Variants in GRIP1 observed in about 807,000 individuals in gnomAD.
GRIP1 encodes the protein glutamate receptor interacting protein 1.
In GRIP1, 45 loss-of-function variants were observed where a neutral mutation model predicts 129.9. The observed-to-expected ratio is 0.35, with a 90% CI of 0.27 to 0.44. The LOEUF (loss-of-function observed/expected upper bound fraction) is 0.44. GRIP1 is among the 20% of genes least tolerant of loss of function. GRIP1 has a pLI of 1.00. For missense variants in GRIP1, 1,196 were observed against 1,396.8 expected (o/e 0.86, Z 2.29); for synonymous variants, 530 against 520.8 (o/e 1.02, Z -0.24).
intron 1 of GRIP1, among the ~76,000 whole-genome samples, chr12:67,058,545 T>C (rs2043476127): frequency 6.6e-6 from 1 of 152,232 alleles, no homozygotes; most frequent in Non-Finnish European, 1.5e-5. Context: ...CACTACTGAC[T>C]ATGAGAAGAA....
At chr12:66,723,885 G>A (rs996813595) in intron 1 of GRIP1, among the ~76,000 whole-genome samples, 4 of 152,152 alleles carry the variant, frequency 2.6e-5, no homozygotes, top group Admixed American at 1.3e-4. Context: ...GTGTTTCAAT[G>A]AAACAGGTAT....
intron 13 of GRIP1, among the ~76,000 whole-genome samples, chr12:66,437,193 C>T (rs550752508): frequency 8.3e-4 from 126 of 152,254 alleles, no homozygotes; most frequent in African/African-American, 2.9e-3. Context: ...GGAGTGAATT[C>T]AGAAGTACTG....
At chr12:66,786,690 T>C (rs545503517) in intron 1 of GRIP1, among the ~76,000 whole-genome samples, 23 of 152,214 alleles carry the variant, frequency 1.5e-4, no homozygotes, top group Admixed American at 1.4e-3. Context: ...CCTTGGTCTA[T>C]TGGCTCTCCA....
intron 1 of GRIP1, among the ~76,000 whole-genome samples, chr12:66,902,422 G>T (rs2040858527): frequency 6.6e-6 from 1 of 152,080 alleles, no homozygotes; most frequent in Admixed American, 6.6e-5. Flanking sequence ...ATGGTTTCAG[G>T]CAAAGATTCT....
chr12:66,742,738 A>G (rs1219120587), intron 1 of GRIP1, among the ~76,000 whole-genome samples: 1 of 152,172 alleles, frequency 6.6e-6, no homozygotes, highest in African/African-American at 2.4e-5. Context: ...AGATGATCAT[A>G]TAAAATGGCA....
Position 66,954,365 on chromosome 12 carries a change from A to G in GRIP1, c.58+114685T>C, listed in dbSNP as rs368941166. Among the ~76,000 whole-genome samples, 19 of 152,346 alleles carry G rather than the reference A, an allele frequency of 1.2e-4. No homozygotes were observed. In the East Asian group the frequency reaches 3.5e-3, roughly 28 times the overall value. The stretch of plus-strand genomic sequence containing the variant: ...AGAAAAATGAGTATCAAACTCTTTT[A>G]GCTACACAGTCCTTTTGTGTGTGCA... On this transcript the variant is annotated intron_variant, in intron 1 of 1. Transcript: ENST00000643019.
chr12:66,513,408 C>A (rs78426421), intron 7 of GRIP1, among the ~76,000 whole-genome samples: 2 of 152,018 alleles, frequency 1.3e-5, no homozygotes, highest in Non-Finnish European at 2.9e-5. Context: ...TTTGTTGATA[C>A]ATTTGGGAGA....
intron 1 of GRIP1, among the ~76,000 whole-genome samples, chr12:66,769,967 G>A (rs1039397066): frequency 5.9e-5 from 9 of 152,134 alleles, no homozygotes; most frequent in Non-Finnish European, 7.4e-5. Flanking sequence ...GACAACTGTT[G>A]GAGCTATTCA....
intron 1 of GRIP1, among the ~76,000 whole-genome samples, chr12:66,738,621 T>C (rs1224380301): frequency 1.3e-5 from 2 of 152,122 alleles, no homozygotes; most frequent in Non-Finnish European, 2.9e-5. Flanking sequence ...GAGAGATTGT[T>C]CCTGTGATGT....
chr12:66,516,383 C>T (rs2060844421), intron 6 of GRIP1, among the ~76,000 whole-genome samples: 2 of 152,238 alleles, frequency 1.3e-5, no homozygotes, highest in African/African-American at 4.8e-5. Flanking sequence ...CACAAAAGTA[C>T]AGCCAGGGTG....
rs547706592 is a variant in GRIP1, at chr12:66,736,346, A to ATTTTTTTTTTTT, written c.-420+67695_-420+67706dup. Among the ~76,000 whole-genome samples, 87 of 67,000 alleles carry ATTTTTTTTTTTT rather than the reference A, an allele frequency of 1.3e-3. 11 individuals are homozygous for ATTTTTTTTTTTT. The highest frequency in any genetic ancestry group is 8.5e-3 in the Middle Eastern group (1 of 118). 44.0% of individuals were successfully genotyped at this position (67,000 alleles called of 152,430 possible). ...AGGTGTGCACCACCGTGCCTGGCTA[A>ATTTTTTTTTTTT]TTTTTTTTTTTTTTTTTTTTTTTTT... On this transcript the variant is annotated intron_variant, in intron 1 of 4. Coordinates refer to the GRIP1 transcript ENST00000538373.
chr12:66,390,071 T>C (rs2056523377), intron 19 of GRIP1, among the ~76,000 whole-genome samples: 1 of 152,140 alleles, frequency 6.6e-6, no homozygotes, highest in African/African-American at 2.4e-5. Flanking sequence ...AAGTGAGAGC[T>C]TTAGAGTCAT....
chr12:67,034,555 A>G (rs2043067747), intron 1 of GRIP1, among the ~76,000 whole-genome samples: 1 of 152,368 alleles, frequency 6.6e-6, no homozygotes, highest in African/African-American at 2.4e-5. Context: ...GATAAAAAAA[A>G]TGGAACACCT....
At chr12:66,765,513 A>T (rs1397740482) in intron 1 of GRIP1, among the ~76,000 whole-genome samples, 1 of 152,232 alleles carries the variant, frequency 6.6e-6, no homozygotes, top group African/African-American at 2.4e-5. Flanking sequence ...CAAGAGTGTG[A>T]TATTGTGGAC....
intron 7 of GRIP1, among the ~76,000 whole-genome samples, chr12:66,493,727 G>A (rs575813909): frequency 1.3e-5 from 2 of 152,292 alleles, no homozygotes; most frequent in African/African-American, 4.8e-5. Flanking sequence ...TAGCTAAAGG[G>A]CAAGAGTTAA....
intron 1 of GRIP1, among the ~76,000 whole-genome samples, chr12:66,685,500 A>C (rs2034749117): frequency 1.3e-5 from 2 of 152,186 alleles, no homozygotes; most frequent in South Asian, 4.1e-4. Flanking sequence ...ATATTTATCC[A>C]AATTAAAAAG....
At chr12:66,916,190 A>T (rs969948120) in intron 1 of GRIP1, among the ~76,000 whole-genome samples, 7 of 152,208 alleles carry the variant, frequency 4.6e-5, no homozygotes, top group Middle Eastern at 3.2e-3. Flanking sequence ...GTATGTTTTT[A>T]AAAAAAGTTC....
chr12:66,468,266 G>C (rs940345429), intron 7 of GRIP1, among the ~76,000 whole-genome samples: 7 of 152,194 alleles, frequency 4.6e-5, no homozygotes, highest in Non-Finnish European at 1.0e-4. Context: ...GCTCAGAACT[G>C]GTAAGCCATC....
intron 16 of GRIP1, among the ~76,000 whole-genome samples, chr12:66,400,585 TTGAATAGGA>T (rs1237240923): frequency 6.6e-6 from 1 of 152,184 alleles, no homozygotes; most frequent in Non-Finnish European, 1.5e-5. Context: ...GTTATTTGTT[TTGAATAGGA>T]CAAGCTGCAG....
Sources: allele counts gnomAD v4.1 joint callset (sites outside exome capture counted in the v4.1 genomes callset), GRCh38; gene constraint gnomAD v4.1.1; transcripts MANE v1.5; gene names NCBI Gene and HGNC (gene_info 2026-07-23, HGNC 2026-07-21).